DNAH7: variants seen among roughly 807,000 people sequenced by gnomAD.
The protein encoded by DNAH7 is dynein axonemal heavy chain 7, also known as axonemal beta dynein heavy chain 7.
Under a neutral mutation model 444.6 loss-of-function variants are expected in DNAH7, and 397 were observed. That is an observed-to-expected ratio of 0.89 (90% CI 0.82 to 0.97). The LOEUF (loss-of-function observed/expected upper bound fraction) is 0.97, where lower values mean the gene tolerates loss of function less well. Among genes scored for constraint, DNAH7 ranks in the 50% least tolerant of loss-of-function variants. The pLI, the probability that DNAH7 is intolerant of heterozygous loss-of-function variation, is 0.00. For synonymous variants in DNAH7, 1,636 were observed against 1,624.4 expected (o/e 1.01, Z -0.17); for missense variants, 4,902 against 4,800.8 (o/e 1.02, Z -0.62).
chr2:196,068,522 A>G (rs532025159), intron 1 of DNAH7, 175 bp downstream of exon 1: 10 of 809,672 alleles, frequency 1.2e-5, no homozygotes, highest in African/African-American at 1.7e-5. Context: ...AAGGGAACTT[A>G]TAAGGGCATT....
intron 7 of DNAH7, among the ~76,000 whole-genome samples, chr2:196,024,971 A>G (rs1695593311): frequency 6.6e-6 from 1 of 152,206 alleles, no homozygotes; most frequent in African/African-American, 2.4e-5. Flanking sequence ...ATAACAGACA[A>G]CAATAAAAAT....
chr2:195,852,512 A>G (rs1300120143), intron 46 of DNAH7, among the ~76,000 whole-genome samples: 2 of 151,894 alleles, frequency 1.3e-5, no homozygotes, highest in African/African-American at 2.4e-5. Flanking sequence ...TCTTTTAGTT[A>G]TCTTAATTTT....
At chr2:195,994,240 A>G (rs1693545875) in intron 12 of DNAH7, 2 of 330,972 alleles carry the variant, frequency 6.0e-6, no homozygotes, top group East Asian at 7.4e-5. Context: ...ATGCACATGA[A>G]GCATAATCAA....
Position 196,018,109 on chromosome 2 carries a change from G to A in DNAH7, c.869+1061C>T, listed in dbSNP as rs191983986. Among the ~76,000 whole-genome samples the A allele has an allele frequency of 1.8e-3, 280 of 152,124 alleles. 1 individual carries two copies. The highest frequency in any genetic ancestry group is 6.0e-3 in the African/African-American group (248 of 41,538). On this transcript the variant is annotated intron_variant, in intron 9 of 64. Coordinates refer to ENST00000312428, the MANE Select transcript of DNAH7 (RefSeq NM_018897.3). The stretch of plus-strand genomic sequence containing the variant: ...GGTTATCAAATTGATAAGAAAAGAT[G>A]AAGAACCAACAAAACACTGACAAAG...
At chr2:195,978,668 AC>A (rs1254492293) in intron 15 of DNAH7, among the ~76,000 whole-genome samples, 1 of 152,164 alleles carries the variant, frequency 6.6e-6, no homozygotes, top group East Asian at 1.9e-4. Flanking sequence ...GTGATCTTTC[AC>A]CTACAAGAAA....
intron 40 of DNAH7, among the ~76,000 whole-genome samples, chr2:195,870,204 T>C (rs536990825): frequency 7.9e-5 from 12 of 152,344 alleles, no homozygotes; most frequent in Non-Finnish European, 1.6e-4. Context: ...TAAATATAAC[T>C]GCTATTCTCA....
In DNAH7 at chr2:195,810,263, TTAG is replaced by T. The variant is rs1164544617; in HGVS notation, c.9762-395_9762-393del. ...TGTATATTAAATGAATAGTCTAAAA[TTAG>T]TAGCTTCTTTATTAAATTTAGTATT... On this transcript the variant is annotated intron_variant, in intron 51 of 64. Transcript: ENST00000312428. 5.9e-5 allele frequency among the ~76,000 whole-genome samples: 9 copies of T among 152,322 alleles called. No homozygotes were observed. In the South Asian group the frequency reaches 1.7e-3, roughly 28 times the overall value.
intron 21 of DNAH7, among the ~76,000 whole-genome samples, chr2:195,932,129 G>A (rs1688740967): frequency 6.6e-6 from 1 of 152,186 alleles, no homozygotes; most frequent in Non-Finnish European, 1.5e-5. Flanking sequence ...TCCTTGAAGA[G>A]GTCCTTCACA....
Position 195,953,868 on chromosome 2 carries a change from C to T in DNAH7, c.3078+3393G>A, listed in dbSNP as rs1280188862. Among the ~76,000 whole-genome samples, 10 of 152,144 alleles carry T rather than the reference C, an allele frequency of 6.6e-5. 1 individual carries two copies. The East Asian group carries it at 1.9e-3, about 29-fold the overall frequency. On this transcript the variant is annotated intron_variant, in intron 19 of 64. Coordinates refer to ENST00000312428, the MANE Select transcript of DNAH7 (RefSeq NM_018897.3). ...ATGTACCAAGCAATTAATCCAGTGG[C>T]CTCTACTATACACACCATGTCATTA...
chr2:196,011,405 A>G (rs1007998060), intron 10 of DNAH7, among the ~76,000 whole-genome samples: 5 of 152,140 alleles, frequency 3.3e-5, no homozygotes, highest in Non-Finnish European at 7.4e-5. Flanking sequence ...AGAGATAACA[A>G]CAAAGACCTG....
intron 58 of DNAH7, among the ~76,000 whole-genome samples, chr2:195,781,976 T>TACATACAC (rs1553518635): frequency 1.5e-5 from 2 of 129,834 alleles, no homozygotes; most frequent in African/African-American, 6.0e-5. Context: ...GTGGGTCTTA[T>TACATACAC]ACACACACAC....
chr2:195,826,250 T>C (rs577279440), intron 48 of DNAH7, among the ~76,000 whole-genome samples: 5 of 152,344 alleles, frequency 3.3e-5, no homozygotes, highest in African/African-American at 1.2e-4. Context: ...GCTGTAGAGA[T>C]TTCAGAGTTG....
At chr2:195,824,767 A>G (rs1004229418) in intron 48 of DNAH7, among the ~76,000 whole-genome samples, 2 of 152,158 alleles carry the variant, frequency 1.3e-5, no homozygotes, top group African/African-American at 4.8e-5. Flanking sequence ...TATCCATCTG[A>G]GACACCAGAG....
At chr2:195,918,945 G>A (rs1326871697) in intron 24 of DNAH7, among the ~76,000 whole-genome samples, 1 of 152,078 alleles carries the variant, frequency 6.6e-6, no homozygotes, top group Admixed American at 6.6e-5. Flanking sequence ...TATAACAAAT[G>A]TACCACACTA....
chr2:195,971,957 C>T (rs1035952905), intron 16 of DNAH7, among the ~76,000 whole-genome samples: 3 of 152,172 alleles, frequency 2.0e-5, no homozygotes, highest in African/African-American at 4.8e-5. Flanking sequence ...TTTTTATTAA[C>T]TATCACCTAT....
intron 40 of DNAH7, among the ~76,000 whole-genome samples, chr2:195,867,073 A>C (rs1053471997): frequency 6.6e-6 from 1 of 152,186 alleles, no homozygotes; most frequent in Non-Finnish European, 1.5e-5. Flanking sequence ...TAAATTGCCC[A>C]GTCTCGGGTA....
chr2:195,934,789 C>T lies in DNAH7; in HGVS notation c.3273G>A (p.Arg1091=), dbSNP rs776740917. ...AACATTTCTTCAAGTGAGGTTGCAC[C>T]CTGTCAGGAAAAACATTTTTAAGAT... ...EILSETKDPT[R]VQPHLKKCFE... The change falls in exon 21 of 65, where the codon AGG becomes AGA. Residue 1091 remains arginine (R), a splice_region_variant and synonymous_variant. Coordinates refer to ENST00000312428, the MANE Select transcript of DNAH7 (RefSeq NM_018897.3). 5.6e-6 allele frequency: 9 copies of T among 1,613,842 alleles called. No individual in the cohort carries two copies. The highest frequency in any genetic ancestry group is 1.7e-4 in the Middle Eastern group (1 of 6,058).
intron 21 of DNAH7, among the ~76,000 whole-genome samples, chr2:195,927,039 C>G (rs1430853351): frequency 6.6e-6 from 1 of 152,126 alleles, no homozygotes; most frequent in Non-Finnish European, 1.5e-5. Context: ...TCAAGTTACT[C>G]CTGTGTTTCC....
intron 38 of DNAH7, among the ~76,000 whole-genome samples, chr2:195,874,199 C>T (rs1700890908): frequency 6.6e-6 from 1 of 152,160 alleles, no homozygotes; most frequent in Non-Finnish European, 1.5e-5. Context: ...CGAGTCTATA[C>T]AGTTCATATA....
Sources: gnomAD v4.1 joint callset for allele counts (sites outside exome capture counted in the v4.1 genomes callset) on GRCh38, gnomAD v4.1.1 for gene constraint, MANE v1.5 for transcripts, NCBI Gene and HGNC (gene_info 2026-07-23, HGNC 2026-07-21) for gene names.